Variants in GRID2 observed in about 807,000 individuals in gnomAD.
GRID2 encodes the protein glutamate receptor ionotropic, delta-2.
Under a neutral mutation model 114.8 loss-of-function variants are expected in GRID2, and 33 were observed. The observed-to-expected ratio is 0.29, with a 90% confidence interval of 0.22 to 0.38. The LOEUF is 0.38. Among genes scored for constraint, GRID2 ranks in the 10% least tolerant of loss-of-function variants. GRID2 has a pLI of 1.00. For missense variants in GRID2, 1,184 were observed against 1,257.7 expected (o/e 0.94, Z 0.89); for synonymous variants, 505 against 449.9 (o/e 1.12, Z -1.55).
chr4:92,515,700 A>C (rs1724465787), intron 1 of GRID2, among the ~76,000 whole-genome samples: 1 of 151,940 alleles, frequency 6.6e-6, no homozygotes, highest in South Asian at 2.1e-4. Context: ...CAGCTGCTAC[A>C]ATCTTGTTAT....
intron 1 of GRID2, among the ~76,000 whole-genome samples, chr4:92,338,963 G>A (rs915035149): frequency 1.3e-5 from 2 of 151,976 alleles, no homozygotes; most frequent in African/African-American, 4.8e-5. Flanking sequence ...GCTTTTTGAG[G>A]CCTTTAGATG....
At chr4:93,171,642 C>A (rs562616891) in intron 4 of GRID2, among the ~76,000 whole-genome samples, 1 of 152,178 alleles carries the variant, frequency 6.6e-6, no homozygotes, top group East Asian at 1.9e-4. Context: ...ATCAACCATT[C>A]CTGTTCAGTG....
chr4:92,983,891 T>G (rs1005531063), intron 2 of GRID2, among the ~76,000 whole-genome samples: 1 of 152,104 alleles, frequency 6.6e-6, no homozygotes, highest in African/African-American at 2.4e-5. Flanking sequence ...TTAGGTCTAG[T>G]GAACTAATAG....
chr4:93,096,412 T>G (rs187666431), intron 3 of GRID2, among the ~76,000 whole-genome samples: 208 of 152,094 alleles, frequency 1.4e-3, no homozygotes, highest in Non-Finnish European at 2.2e-3. Flanking sequence ...CTATGAACTG[T>G]GCAATAAATT....
At chr4:93,275,740 T>C (rs1405227903) in intron 8 of GRID2, among the ~76,000 whole-genome samples, 1 of 151,974 alleles carries the variant, frequency 6.6e-6, no homozygotes. Flanking sequence ...CATCTTTTCC[T>C]GTGCTCGTTG....
rs908315955 is a variant in GRID2, at chr4:93,203,617, A to G, written c.736-3787A>G. ...AGTATGTTTATTAAAATTTATTAAG[A>G]TTAGAAAAAGTGCATAGCTGAAGTT... is the stretch of plus-strand genomic sequence containing the variant. On this transcript the variant is annotated intron_variant, in intron 4 of 15. Coordinates refer to ENST00000282020, the MANE Select transcript of GRID2 (RefSeq NM_001510.4). Among the ~76,000 whole-genome samples, 5 of 152,194 alleles carry G rather than the reference A, an allele frequency of 3.3e-5. No individual in the cohort carries two copies. In the East Asian group the frequency reaches 7.7e-4, roughly 23 times the overall value.
chr4:93,116,053 G>A (rs1367552552), intron 4 of GRID2, among the ~76,000 whole-genome samples: 6 of 152,036 alleles, frequency 3.9e-5, no homozygotes, highest in Admixed American at 6.6e-5. Flanking sequence ...TATATAATAA[G>A]TGATGATTTA....
chr4:92,912,126 A>G (rs1391953316), intron 2 of GRID2, among the ~76,000 whole-genome samples: 1 of 151,860 alleles, frequency 6.6e-6, no homozygotes, highest in Non-Finnish European at 1.5e-5. Context: ...TTCTTGAAGA[A>G]GTTTTATTTA....
At chr4:92,508,917 G>GATC (rs1195864125) in intron 1 of GRID2, among the ~76,000 whole-genome samples, 1 of 151,816 alleles carries the variant, frequency 6.6e-6, no homozygotes, top group Non-Finnish European at 1.5e-5. Flanking sequence ...GCAGTAGTTA[G>GATC]ATCCAGGATC....
chr4:92,429,306 T>C (rs1732320036), intron 1 of GRID2, among the ~76,000 whole-genome samples: 1 of 152,164 alleles, frequency 6.6e-6, no homozygotes, highest in Non-Finnish European at 1.5e-5. Flanking sequence ...TAAGTTCAAT[T>C]GTTTTAAGTT....
At chr4:93,076,416 T>A (rs1206608710) in intron 2 of GRID2, among the ~76,000 whole-genome samples, 2 of 152,244 alleles carry the variant, frequency 1.3e-5, no homozygotes, top group Non-Finnish European at 2.9e-5. Context: ...TTTATGTTTT[T>A]AAATTTTTAT....
intron 14 of GRID2, among the ~76,000 whole-genome samples, chr4:93,704,246 G>A (rs2110148137): frequency 6.6e-6 from 1 of 152,302 alleles, no homozygotes; most frequent in East Asian, 1.9e-4. Context: ...CTGATGGCCA[G>A]TGATGATGAG....
At chr4:92,951,803 T>TTA (rs1490197673) in intron 2 of GRID2, among the ~76,000 whole-genome samples, 1 of 152,186 alleles carries the variant, frequency 6.6e-6, no homozygotes, top group Non-Finnish European at 1.5e-5. Flanking sequence ...TAAATTGAAA[T>TTA]TATATATGCA....
intron 2 of GRID2, among the ~76,000 whole-genome samples, chr4:92,946,738 T>C (rs886523960): frequency 5.3e-5 from 8 of 152,244 alleles, no homozygotes; most frequent in African/African-American, 1.7e-4. Flanking sequence ...CTTACAGTTA[T>C]GGTTCTCCAA....
chr4:93,646,905 T>C (rs1036170109), intron 14 of GRID2, among the ~76,000 whole-genome samples: 2 of 152,192 alleles, frequency 1.3e-5, no homozygotes, highest in Non-Finnish European at 2.9e-5. Flanking sequence ...TGGTCAAGCA[T>C]GAACCCAAAG....
chr4:92,715,097 C>T (rs79284537), intron 2 of GRID2, among the ~76,000 whole-genome samples: 6 of 152,240 alleles, frequency 3.9e-5, no homozygotes, highest in African/African-American at 9.6e-5. Context: ...GCACCCAAGT[C>T]GCCTCTTTTG....
intron 14 of GRID2, among the ~76,000 whole-genome samples, chr4:93,701,579 C>A (rs1185037869): frequency 6.6e-6 from 1 of 152,100 alleles, no homozygotes; most frequent in East Asian, 1.9e-4. Context: ...ATGATTATTA[C>A]AATTTACATT....
At chr4:92,836,548 A>C (rs181872944) in intron 2 of GRID2, among the ~76,000 whole-genome samples, 36 of 152,220 alleles carry the variant, frequency 2.4e-4, no homozygotes, top group Middle Eastern at 3.4e-3. Context: ...CCAAAAAAAA[A>C]CAGAAAATAT....
In GRID2 at chr4:93,373,994, A is replaced by G. The variant is rs76575603; in HGVS notation, c.1246-21613A>G. 3.0e-3 allele frequency among the ~76,000 whole-genome samples: 459 copies of G among 152,260 alleles called. 2 individuals are homozygous for G. The highest frequency in any genetic ancestry group is 0.011 in the African/African-American group (442 of 41,560). On this transcript the variant is annotated intron_variant, in intron 8 of 15. Coordinates refer to ENST00000282020, the MANE Select transcript of GRID2 (RefSeq NM_001510.4). Reference sequence around the variant, plus strand: ...TATTGATACTAGTATGTGTTGTCTTAAGTGGTACATTGTAGTTTCCATGCC... The same window carrying G: ...TATTGATACTAGTATGTGTTGTCTTGAGTGGTACATTGTAGTTTCCATGCC...
Sources: allele counts gnomAD v4.1 joint callset (sites outside exome capture counted in the v4.1 genomes callset), GRCh38; gene constraint gnomAD v4.1.1; transcripts MANE v1.5; gene names NCBI Gene and HGNC (gene_info 2026-07-23, HGNC 2026-07-21).